Variants in HDGFL3 observed in about 807,000 individuals in gnomAD.
The protein encoded by HDGFL3 is HDGF like 3, also known as hepatoma-derived growth factor-related protein 3.
A neutral mutation model predicts 27.6 loss-of-function variants in HDGFL3; 6 were observed. The observed-to-expected ratio is 0.22, with a 90% CI of 0.12 to 0.43. The LOEUF is 0.43. HDGFL3 is among the 20% of genes least tolerant of loss of function. The pLI, the probability that HDGFL3 is intolerant of heterozygous loss-of-function variation, is 1.00. For missense variants in HDGFL3, 207 were observed against 250.1 expected (o/e 0.83, Z 1.16); for synonymous variants, 88 against 88.9 (o/e 0.99, Z 0.05).
chr15:83,154,239 G>A (rs2036999282), intron 4 of HDGFL3, among the ~76,000 whole-genome samples: 1 of 151,990 alleles, frequency 6.6e-6, no homozygotes, highest in Non-Finnish European at 1.5e-5. Flanking sequence ...GGGAGGCTGA[G>A]GTGGGAGGGC....
intron 1 of HDGFL3, among the ~76,000 whole-genome samples, chr15:83,189,755 T>C (rs1301804875): frequency 6.6e-6 from 1 of 151,130 alleles, no homozygotes; most frequent in Non-Finnish European, 1.5e-5. Context: ...AATTCAATCA[T>C]TTTTTTTAAA....
intron 1 of HDGFL3, among the ~76,000 whole-genome samples, chr15:83,179,610 T>C (rs1005473779): frequency 1.3e-5 from 2 of 152,218 alleles, no homozygotes; most frequent in African/African-American, 4.8e-5. Flanking sequence ...CCTACTTCCT[T>C]AGTCCAATCA....
chr15:83,145,902 T>A (rs1341433693), intron 5 of HDGFL3, among the ~76,000 whole-genome samples: 3 of 17,858 alleles, frequency 1.7e-4, no homozygotes, highest in Non-Finnish European at 3.7e-4. Flanking sequence ...TCTTCCTTTT[T>A]TTTTTTTTTT....
intron 1 of HDGFL3, among the ~76,000 whole-genome samples, chr15:83,180,226 G>A (rs62010220): frequency 0.2 from 30,783 of 151,984 alleles, 3,262 homozygotes; most frequent in Admixed American, 0.22. Flanking sequence ...GGAATAGAAA[G>A]GAGAGTTGTG....
At chr15:83,126,651 A>G, downstream of HDGFL3, 1 of 896,020 alleles carries the variant, frequency 1.1e-6, no homozygotes. Flanking sequence ...GTTTTGTTAA[A>G]CAGCAAAGCA....
Position 83,133,142 on chromosome 15 carries a change from C to T in HDGFL3, c.*6128G>A, listed in dbSNP as rs187943131. On this transcript the variant is annotated 3_prime_UTR_variant, in exon 6 of 6. Coordinates refer to ENST00000299633, the MANE Select transcript of HDGFL3 (RefSeq NM_016073.4). Reference sequence around the variant, plus strand: ...GCCATACGGCTGGTTTGTGGTGGAGCTGTGATTTGACTCTGGATGTCTAGT... The same window carrying T: ...GCCATACGGCTGGTTTGTGGTGGAGTTGTGATTTGACTCTGGATGTCTAGT... 6.6e-6 allele frequency: 1 copy of T among 152,308 alleles called. No homozygotes were observed. The highest frequency in any genetic ancestry group is 1.9e-4 in the East Asian group (1 of 5,186). The allele number at this position is 152,308 out of a possible 1,614,324, so 9.4% of individuals were successfully genotyped here.
intron 2 of HDGFL3, among the ~76,000 whole-genome samples, chr15:83,160,638 G>C (rs1388347553): frequency 2.0e-5 from 3 of 152,188 alleles, no homozygotes; most frequent in African/African-American, 4.8e-5. Context: ...ATGTCAGGTA[G>C]CTGGAGAGAG....
At chr15:83,126,840 A>G, downstream of HDGFL3, 1 of 1,611,964 alleles carries the variant, frequency 6.2e-7, no homozygotes, top group Non-Finnish European at 8.5e-7. Context: ...GCTTATCCTA[A>G]AATTCAGGTC....
chr15:83,139,356 A>G (rs1236178244), intron 5 of HDGFL3, 81 bp from the exon 6 acceptor site: 6 of 813,254 alleles, frequency 7.4e-6, no homozygotes, highest in Non-Finnish European at 7.1e-6. Context: ...ACACCTAGAT[A>G]GTACATAATT....
intron 1 of HDGFL3, 41 bp from the exon 2 acceptor site, chr15:83,164,116 T>G: frequency 2.5e-6 from 3 of 1,199,934 alleles, no homozygotes; most frequent in Non-Finnish European, 2.4e-6. Context: ...GTGGTTATCA[T>G]AAATACAATG....
At chr15:83,174,236 T>A (rs570375825) in intron 1 of HDGFL3, among the ~76,000 whole-genome samples, 8 of 152,260 alleles carry the variant, frequency 5.3e-5, no homozygotes, top group African/African-American at 1.9e-4. Flanking sequence ...CTACTTTAAT[T>A]ATTGTCATAC....
intron 5 of HDGFL3, chr15:83,144,525 G>A (rs2036852394): frequency 2.2e-6 from 1 of 455,938 alleles, no homozygotes; most frequent in East Asian, 6.9e-5. Flanking sequence ...GATGAAGCCA[G>A]CTGCCATGCT....
chr15:83,186,877 T>A (rs1397579674), intron 1 of HDGFL3, among the ~76,000 whole-genome samples: 1 of 152,162 alleles, frequency 6.6e-6, no homozygotes, highest in Non-Finnish European at 1.5e-5. Context: ...ATAAAGATAT[T>A]GAAAAATAAG....
intron 3 of HDGFL3, among the ~76,000 whole-genome samples, chr15:83,119,099 A>G (rs912292829): frequency 6.6e-6 from 1 of 152,104 alleles, no homozygotes; most frequent in Non-Finnish European, 1.5e-5. Flanking sequence ...CTGCCTGCCT[A>G]TGTGTCAGTA....
chr15:83,164,080 G>A lies in HDGFL3; in HGVS notation c.85-5C>T, dbSNP rs371854892. 6.3e-7 allele frequency: 1 copy of A among 1,585,204 alleles called. No individual in the cohort carries two copies. Among genetic ancestry groups the A allele is most frequent in the Non-Finnish European group, 8.6e-7 (1 of 1,162,874 alleles). ...GCCCTCTGGGAGTTCATCAATCTAT[G>A]AAAGATACATTTAGTTACTGAGTGA... On this transcript the variant is annotated splice_region_variant and splice_polypyrimidine_tract_variant and intron_variant, in intron 1 of 5. Coordinates refer to ENST00000299633, the MANE Select transcript of HDGFL3 (RefSeq NM_016073.4).
intron 3 of HDGFL3, chr15:83,121,981 T>G (rs771469493): frequency 1.9e-6 from 3 of 1,611,690 alleles, no homozygotes; most frequent in Non-Finnish European, 2.5e-6. Flanking sequence ...GTGTTGTTGT[T>G]TTTGTGCCAG....
At chr15:83,195,927 T>A (rs944983082) in intron 1 of HDGFL3, among the ~76,000 whole-genome samples, 4 of 151,956 alleles carry the variant, frequency 2.6e-5, no homozygotes, top group Non-Finnish European at 5.9e-5. Context: ...AAAACTAATA[T>A]CCAACGAAGT....
At position 83,151,357 on chromosome 15, in the gene HDGFL3, G is replaced by A. The variant is rs2151398843; in HGVS notation, c.464C>T (p.Ser155Phe). The change falls in exon 5 of 6, where the codon TCC (serine) becomes TTC (phenylalanine). Residue 155 changes from serine to phenylalanine, a missense_variant. By Grantham distance (155) the Ser-to-Phe change is radical. Coordinates refer to ENST00000299633, the MANE Select transcript of HDGFL3 (RefSeq NM_016073.4). Reference sequence around the variant, plus strand: ...TGGAGATTTCCGGGACTGTTTAGAGGATTTCTAAATGTTTAGACAAGTTAA... The same window carrying A: ...TGGAGATTTCCGGGACTGTTTAGAGAATTTCTAAATGTTTAGACAAGTTAA... Reference protein sequence around the residue: ...KRKKSYTSKKSSKQSRKSPGD... With the variant: ...KRKKSYTSKKFSKQSRKSPGD... The A allele has an allele frequency of 1.2e-6, 2 of 1,607,310 alleles. No individual in the cohort carries two copies. The highest frequency in any genetic ancestry group is 2.2e-5 in the East Asian group (1 of 44,800).
At chr15:83,118,888 T>C (rs1316001805) in intron 3 of HDGFL3, among the ~76,000 whole-genome samples, 1 of 152,152 alleles carries the variant, frequency 6.6e-6, no homozygotes, top group Non-Finnish European at 1.5e-5. Flanking sequence ...TAATCTTGTG[T>C]TCATAACATT....
Sources: gnomAD v4.1 joint callset for allele counts (sites outside exome capture counted in the v4.1 genomes callset) on GRCh38, gnomAD v4.1.1 for gene constraint, MANE v1.5 for transcripts, NCBI Gene and HGNC (gene_info 2026-07-23, HGNC 2026-07-21) for gene names.